TJP1: variants seen among roughly 807,000 people sequenced by gnomAD.
TJP1 encodes tight junction protein 1.
Under a neutral mutation model 194.2 loss-of-function variants are expected in TJP1, and 43 were observed. That is an observed-to-expected ratio of 0.22 (90% CI 0.17 to 0.29). The LOEUF (loss-of-function observed/expected upper bound fraction) is 0.29, where lower values mean the gene tolerates loss of function less well. Among genes scored for constraint, TJP1 ranks in the 10% least tolerant of loss-of-function variants. The pLI is 1.00. For synonymous variants in TJP1, 801 were observed against 779.0 expected (o/e 1.03, Z -0.47); for missense variants, 1,971 against 2,185.7 (o/e 0.90, Z 1.96).
intron 2 of TJP1, among the ~76,000 whole-genome samples, chr15:29,937,376 C>T (rs1522796): frequency 0.054 from 8,239 of 151,948 alleles, 257 homozygotes; most frequent in South Asian, 0.1. Flanking sequence ...AACAAAGGAA[C>T]TGAAAATTAT....
At chr15:29,780,287 A>T (rs534118108) in intron 2 of TJP1, among the ~76,000 whole-genome samples, 1 of 152,126 alleles carries the variant, frequency 6.6e-6, no homozygotes, top group African/African-American at 2.4e-5. Flanking sequence ...CTGCAACTAG[A>T]TGGTCCCATC....
intron 2 of TJP1, among the ~76,000 whole-genome samples, chr15:29,940,310 C>T (rs1178082297): frequency 2.0e-5 from 3 of 152,188 alleles, no homozygotes; most frequent in Non-Finnish European, 4.4e-5. Flanking sequence ...GCCCATGTCA[C>T]AGGTGGCCCT....
At position 29,762,602 on chromosome 15, in the gene TJP1, T is replaced by C. The variant is rs567868909; in HGVS notation, c.590-164A>G. On this transcript the variant is annotated intron_variant, in intron 5 of 27. Coordinates refer to ENST00000614355, the MANE Select transcript of TJP1 (RefSeq NM_001330239.4). Reference sequence around the variant, plus strand: ...CCTGCAAATAAGACATTCCCTCTAATTAGCAAGTCTGCAATGTCTCCGTGA... The same window carrying C: ...CCTGCAAATAAGACATTCCCTCTAACTAGCAAGTCTGCAATGTCTCCGTGA... Among the ~76,000 whole-genome samples, 9 of 152,304 alleles carry C rather than the reference T, an allele frequency of 5.9e-5. No individual in the cohort carries two copies. In the South Asian group the frequency reaches 1.7e-3, roughly 28 times the overall value.
In TJP1 at chr15:29,761,257, C is replaced by G. The variant is rs755158719; in HGVS notation, c.892G>C (p.Asp298His). Residue 298 changes from aspartate (D) to histidine (H), a missense_variant, in exon 8 of 28, where the codon GAT becomes CAT. Asp to His is a moderately conservative substitution (Grantham distance 81). This residue lies in a region of TJP1 where 192 missense variants were observed against 182.3 expected (regional missense o/e 1.05). Coordinates refer to ENST00000614355, the MANE Select transcript of TJP1 (RefSeq NM_001330239.4). ...CTATCGTGTGATCGACCAGAATGATCTGATGCCAGTGACTGAATTTCTGAA... is the reference window on the plus strand; with the variant it reads ...CTATCGTGTGATCGACCAGAATGATGTGATGCCAGTGACTGAATTTCTGAA... ...DISEIQSLAS[D>H]HSGRSHDRPP... The G allele has an allele frequency of 1.7e-5, 28 of 1,613,802 alleles. No homozygotes were observed. The East Asian group carries it at 6.2e-4, about 36-fold the overall frequency.
chr15:29,707,005 G>A (rs1013397515), intron 25 of TJP1, among the ~76,000 whole-genome samples: 1 of 152,084 alleles, frequency 6.6e-6, no homozygotes, highest in African/African-American at 2.4e-5. Context: ...ACGGCTGACA[G>A]CATCTCAGAC....
In TJP1 at chr15:29,766,294, G is replaced by A. The variant is rs761321115; in HGVS notation, c.561C>T (p.Val187=). ...ASSQPAKPTK[V]TLVKSRKNEE... is the part of the protein sequence containing the mutation. ...CATTTTTCCGGGATTTCACCAGTGT[G>A]ACTTTAGTAGGTTTAGCAGGCTGGC... Residue 187 remains valine (V), a synonymous_variant, in exon 5 of 28, where the codon GTC becomes GTT. Transcript: ENST00000614355. 6.2e-7 allele frequency: 1 copy of A among 1,613,458 alleles called. No homozygotes were observed. Among genetic ancestry groups the A allele is most frequent in the South Asian group, 1.1e-5 (1 of 90,810 alleles).
intron 2 of TJP1, among the ~76,000 whole-genome samples, chr15:29,926,075 C>A (rs528784808): frequency 6.6e-6 from 1 of 152,276 alleles, no homozygotes; most frequent in East Asian, 1.9e-4. Flanking sequence ...ACACTCCCCC[C>A]AGTGGAATAA....
chr15:29,731,804 G>GA (rs796279871), intron 15 of TJP1, among the ~76,000 whole-genome samples: 79 of 137,888 alleles, frequency 5.7e-4, no homozygotes, highest in Middle Eastern at 3.7e-3. Flanking sequence ...GTTTGGCTTG[G>GA]AAAAAAAAAA....
chr15:29,725,689 T>C (rs1375718836), intron 18 of TJP1, among the ~76,000 whole-genome samples: 4 of 151,842 alleles, frequency 2.6e-5, no homozygotes, highest in South Asian at 2.1e-4. Flanking sequence ...AGACTGACAA[T>C]AGAAAGTAGT....
chr15:29,863,763 T>A (rs1023341062), intron 2 of TJP1, among the ~76,000 whole-genome samples: 4 of 152,216 alleles, frequency 2.6e-5, no homozygotes, highest in Non-Finnish European at 5.9e-5. Flanking sequence ...TGTTCGTCTC[T>A]GGACTTCAAT....
At chr15:29,739,018 TG>T (rs1290528495) in intron 10 of TJP1, among the ~76,000 whole-genome samples, 10 of 152,128 alleles carry the variant, frequency 6.6e-5, no homozygotes, top group Non-Finnish European at 1.5e-4. Context: ...TACTCTAGCC[TG>T]GGTGACAGAG....
chr15:29,745,480 G>A (rs1403414532), intron 8 of TJP1, among the ~76,000 whole-genome samples: 2 of 152,134 alleles, frequency 1.3e-5, no homozygotes, highest in African/African-American at 4.8e-5. Flanking sequence ...TAGACTGGGG[G>A]AAGCCTTTGC....
chr15:29,898,206 T>C (rs912983226), intron 2 of TJP1, among the ~76,000 whole-genome samples: 2 of 152,178 alleles, frequency 1.3e-5, no homozygotes, highest in African/African-American at 2.4e-5. Context: ...GCTGTTCTTG[T>C]GATAGTGAAT....
intron 2 of TJP1, among the ~76,000 whole-genome samples, chr15:29,955,863 A>G (rs2055922307): frequency 1.3e-5 from 2 of 151,342 alleles, no homozygotes; most frequent in African/African-American, 4.8e-5. Flanking sequence ...TGGCACTACC[A>G]GGAAGCTGGG....
chr15:29,729,548 A>AGTG (rs2043465458), intron 15 of TJP1: 1 of 152,128 alleles, frequency 6.6e-6, no homozygotes, highest in Non-Finnish European at 1.5e-5. Flanking sequence ...GGCTGGGTGC[A>AGTG]GTGGCTCACG....
Position 29,710,982 on chromosome 15 carries a change from A to T in TJP1, c.4221T>A (p.Ala1407=). 4.4e-6 allele frequency: 7 copies of T among 1,603,494 alleles called. No individual in the cohort carries two copies. The highest frequency in any genetic ancestry group is 6.0e-6 in the Non-Finnish European group (7 of 1,173,266). The change falls in exon 24 of 28, where the codon GCT becomes GCA. Residue 1407 remains alanine (A), a synonymous_variant. Coordinates refer to ENST00000614355, the MANE Select transcript of TJP1 (RefSeq NM_001330239.4). ...CGCCAAATGATCTATCCACACCATC[A>T]GCTTCAGGAGGCTTTCCCCTGTTAA... ...SYSSKGKPPE[A]DGVDRSFGEK...
intron 2 of TJP1, among the ~76,000 whole-genome samples, chr15:29,879,155 T>G (rs897005478): frequency 6.6e-6 from 1 of 151,944 alleles, no homozygotes; most frequent in Non-Finnish European, 1.5e-5. Flanking sequence ...TAAAAAAAAT[T>G]AACTCCCATG....
intron 25 of TJP1, among the ~76,000 whole-genome samples, chr15:29,706,543 A>G (rs2041910657): frequency 6.6e-6 from 1 of 152,176 alleles, no homozygotes; most frequent in Non-Finnish European, 1.5e-5. Context: ...TTCAGAACCC[A>G]AGAAGTTTGG....
In TJP1 at chr15:29,716,803, G is replaced by A. The variant is rs1229709198; in HGVS notation, c.4010C>T (p.Pro1337Leu). Reference sequence around the variant, plus strand: ...ATGATTGGACCGAACAATATCTTCAGGTGGCTTCAGTTGAGGTTTTTGAGG... The same window carrying A: ...ATGATTGGACCGAACAATATCTTCAAGTGGCTTCAGTTGAGGTTTTTGAGG... Reference protein sequence around the residue: ...PEPQKPQLKPPEDIVRSNHYD... With the variant: ...PEPQKPQLKPLEDIVRSNHYD... The change falls in exon 23 of 28, where the codon CCT becomes CTT. Residue 1337 changes from proline to leucine, a missense_variant. By Grantham distance (98) the Pro-to-Leu change is moderately conservative. This residue lies in a region of TJP1 where 1,108 missense variants were observed against 1,128.5 expected (regional missense o/e 0.98). Transcript: ENST00000614355. 2.5e-6 allele frequency: 4 copies of A among 1,606,996 alleles called. No homozygotes were observed. The highest frequency in any genetic ancestry group is 1.7e-5 in the Admixed American group (1 of 59,940).
Sources: allele counts gnomAD v4.1 joint callset (sites outside exome capture counted in the v4.1 genomes callset), GRCh38; gene constraint gnomAD v4.1.1; regional missense constraint gnomAD v4.1.1; transcripts MANE v1.5; gene names NCBI Gene and HGNC (gene_info 2026-07-23, HGNC 2026-07-21).